FCHSD1: variants seen among roughly 807,000 people sequenced by gnomAD.
FCHSD1 encodes F-BAR and double SH3 domains protein 1.
A neutral mutation model predicts 101.3 loss-of-function variants in FCHSD1; 109 were observed. The ratio of observed to expected loss-of-function variants is 1.08; its 90% confidence interval spans 0.92 to 1.26. FCHSD1 has a LOEUF of 1.26. FCHSD1 is among the 50% of genes most tolerant of loss of function. The pLI, the probability that FCHSD1 is intolerant of heterozygous loss-of-function variation, is 0.00. For synonymous variants in FCHSD1, 291 were observed against 356.8 expected (o/e 0.82, Z 2.08); for missense variants, 820 against 895.8 (o/e 0.92, Z 1.08).
At position 141,640,665 on chromosome 5, in the gene FCHSD1, T is replaced by TC; in HGVS notation, c.*832dup. Reference sequence around the variant, plus strand: ...AGCAACAGTGTTATTCTTCCTCTTCTCCAAGTCTCCTTCATTGTGCTGATG... The same window carrying TC: ...AGCAACAGTGTTATTCTTCCTCTTCTCCCAAGTCTCCTTCATTGTGCTGATG... On this transcript the variant is annotated 3_prime_UTR_variant, in exon 20 of 20. Coordinates refer to ENST00000435817, the MANE Select transcript of FCHSD1 (RefSeq NM_033449.3). 5 of 1,535,980 alleles carry TC rather than the reference T, an allele frequency of 3.3e-6. No individual in the cohort carries two copies. Among genetic ancestry groups the TC allele is most frequent in the Non-Finnish European group, 4.4e-6 (5 of 1,146,472 alleles).
At chr5:141,643,279 T>G (rs2099907201) in intron 17 of FCHSD1, among the ~76,000 whole-genome samples, 191 bp from the exon 18 acceptor site, 1 of 152,198 alleles carries the variant, frequency 6.6e-6, no homozygotes, top group Non-Finnish European at 1.5e-5. Context: ...TTATGTTTAC[T>G]ATGTCTCAAG....
At chr5:141,644,480 C>T in intron 16 of FCHSD1, 42 bp from the exon 17 acceptor site, 4 of 1,608,442 alleles carry the variant, frequency 2.5e-6, no homozygotes, top group African/African-American at 2.7e-5. Context: ...AGGTGGGTAG[C>T]AGTGCCCCAG....
chr5:141,640,718 G>A lies in FCHSD1; in HGVS notation c.*780C>T, dbSNP rs112543254. 2.0e-6 allele frequency: 3 copies of A among 1,524,472 alleles called. No individual in the cohort carries two copies. Among genetic ancestry groups the A allele is most frequent in the Non-Finnish European group, 2.6e-6 (3 of 1,139,586 alleles). 94.4% of individuals were successfully genotyped at this position (1,524,472 alleles called of 1,614,324 possible). ...CTACCAGCTGGCAGGGCCAGGGGGTGGGTGGGCGTGAAAGCCCTCCCCTCC... is the reference window on the plus strand; with the variant it reads ...CTACCAGCTGGCAGGGCCAGGGGGTAGGTGGGCGTGAAAGCCCTCCCCTCC... On this transcript the variant is annotated 3_prime_UTR_variant, in exon 20 of 20. Transcript: ENST00000435817.
chr5:141,651,314 C>A, intron 1 of FCHSD1, 34 bp downstream of exon 1: 1 of 1,552,504 alleles, frequency 6.4e-7, no homozygotes, highest in South Asian at 1.2e-5. Flanking sequence ...GTTCCCCCAG[C>A]CCGCCAGGAG....
At chr5:141,644,525 T>G in intron 16 of FCHSD1, 48 bp downstream of exon 16, 1 of 1,609,652 alleles carries the variant, frequency 6.2e-7, no homozygotes, top group South Asian at 1.1e-5. Flanking sequence ...CCCCTAACAA[T>G]TTTTCTCCAT....
At position 141,650,424 on chromosome 5, in the gene FCHSD1, G is replaced by A. The variant is rs372637256; in HGVS notation, c.120-20C>T. 2 of 1,613,884 alleles carry A rather than the reference G, an allele frequency of 1.2e-6. No individual in the cohort carries two copies. On this transcript the variant is annotated intron_variant, in intron 2 of 19. Coordinates refer to ENST00000435817, the MANE Select transcript of FCHSD1 (RefSeq NM_033449.3). ...TAGGATCTGCGGAGATTGCAGGTCG[G>A]GGGTGAGGTGGGGGATAAGGTTATG...
Position 141,646,836 on chromosome 5 carries a change from A to G in FCHSD1, c.925-114T>C, listed in dbSNP as rs937513581. The G allele has an allele frequency of 1.3e-5, 19 of 1,436,486 alleles. No homozygotes were observed. The African/African-American group carries it at 2.4e-4, about 18-fold the overall frequency. 89.0% of individuals were successfully genotyped at this position (1,436,486 alleles called of 1,614,324 possible). ...AGGACAAGGACAAAGAGAAAGGGGC[A>G]CATGCCTACAGTCATGGACACAGGT... On this transcript the variant is annotated intron_variant, in intron 10 of 19. Transcript: ENST00000435817.
intron 10 of FCHSD1, among the ~76,000 whole-genome samples, 195 bp from the exon 11 acceptor site, chr5:141,646,917 G>A (rs143379809): frequency 4.5e-4 from 69 of 152,330 alleles, no homozygotes; most frequent in African/African-American, 1.6e-3. Flanking sequence ...AAGGGACAGA[G>A]GTAGAATGAA....
rs1596454259 is a variant in FCHSD1 at position 141,639,497 on chromosome 5, C to A, written c.*2001G>T. 1.2e-6 allele frequency: 2 copies of A among 1,613,876 alleles called. No homozygotes were observed. Among genetic ancestry groups the A allele is most frequent in the African/African-American group, 1.3e-5 (1 of 75,026 alleles). ...CCACCTCCAGCCTGCAGGACGGAGC[C>A]CCCTCCCATCATCACACAGTGCACC... On this transcript the variant is annotated 3_prime_UTR_variant, in exon 20 of 20. Transcript: ENST00000435817. This position sits in a 1 kb window ranked among gnomAD's most constrained non-coding sequence, Gnocchi z 4.4.
At position 141,649,794 on chromosome 5, in the gene FCHSD1, C is replaced by T; in HGVS notation, c.233+93G>A. ...CTCTACCTACAGCTCACGTGCCTTC[C>T]CCACTTGCTAGGCCTTCATCCCCAC... On this transcript the variant is annotated intron_variant, in intron 4 of 19. Coordinates refer to ENST00000435817, the MANE Select transcript of FCHSD1 (RefSeq NM_033449.3). The surrounding 1 kb of genome is among the most constrained non-coding windows in gnomAD (Gnocchi z 4.1). 7 of 1,434,600 alleles carry T rather than the reference C, an allele frequency of 4.9e-6. No individual in the cohort carries two copies. The highest frequency in any genetic ancestry group is 6.6e-6 in the Non-Finnish European group (7 of 1,065,946). 88.9% of individuals were successfully genotyped at this position (1,434,600 alleles called of 1,614,324 possible). A position where few individuals can be genotyped will look rare whatever the true frequency, so the allele number is the denominator to read the frequency against.
At chr5:141,646,860 G>A (rs2099907729) in intron 10 of FCHSD1, 138 bp from the exon 11 acceptor site, 1 of 1,316,042 alleles carries the variant, frequency 7.6e-7, no homozygotes, top group African/African-American at 1.5e-5. Context: ...ATGGACACAG[G>A]TAATGTGGAC....
Position 141,645,856 on chromosome 5 carries a change from G to T in FCHSD1, c.1226C>A (p.Pro409Gln). The T allele has an allele frequency of 6.2e-7, 1 of 1,601,646 alleles. No individual in the cohort carries two copies. The highest frequency in any genetic ancestry group is 8.5e-7 in the Non-Finnish European group (1 of 1,174,150). ...AGLDVERWLKPAMTQAQDEVE... is the reference protein window; with the variant it reads ...AGLDVERWLKQAMTQAQDEVE... ...CTCATCCTGGGCCTGGGTCATGGCT[G>T]GCTTCAGCCAGCGCTCCACATCTAA... The change falls in exon 13 of 20, where the codon CCA (proline) becomes CAA (glutamine). Residue 409 changes from proline to glutamine, a missense_variant. Physicochemically the swap from Pro to Gln is moderately conservative, Grantham distance 76. Transcript: ENST00000435817.
In FCHSD1 at chr5:141,640,531, C is replaced by T; in HGVS notation, c.*967G>A. The T allele has an allele frequency of 6.2e-7, 1 of 1,604,636 alleles. No individual in the cohort carries two copies. On this transcript the variant is annotated 3_prime_UTR_variant, in exon 20 of 20. Coordinates refer to ENST00000435817, the MANE Select transcript of FCHSD1 (RefSeq NM_033449.3). ...TTAAGCCTTTCGGCTCCCTGAACCC[C>T]CCGAGTAAACTGCAGGCTTAGCCTT...
At position 141,644,226 on chromosome 5, in the gene FCHSD1, G is replaced by C. The variant is rs781709441; in HGVS notation, c.1855C>G (p.Pro619Ala). The stretch of plus-strand genomic sequence containing the variant: ...GAGAAGGTAAGCCTCACCTGTTCAG[G>C]GTCAGAGAGTTCAGGTGGCCCTGGG... Reference protein sequence around the residue: ...GPPGPPELSDPEQMLPSPSPP... With the variant: ...GPPGPPELSDAEQMLPSPSPP... Residue 619 changes from proline to alanine, a missense_variant, in exon 17 of 20, where the codon CCT becomes GCT. Physicochemically the swap from Pro to Ala is conservative, Grantham distance 27 (BLOSUM62 -1). Transcript: ENST00000435817. 16 of 1,611,178 alleles carry C rather than the reference G, an allele frequency of 9.9e-6. No individual in the cohort carries two copies. The Admixed American group carries it at 2.7e-4, about 27-fold the overall frequency.
chr5:141,651,242 G>T, intron 1 of FCHSD1, 106 bp downstream of exon 1: 1 of 1,528,322 alleles, frequency 6.5e-7, no homozygotes, highest in Non-Finnish European at 8.9e-7. Flanking sequence ...TCTGGTTTGG[G>T]GTCTGACCCC....
chr5:141,640,596 G>A lies in FCHSD1; in HGVS notation c.*902C>T, dbSNP rs1477656432. ...TGGTTTGGTGGTGGAGGTAGGGAAG[G>A]TCCTGGAGCCCCAGGGGAAAAGCTG... On this transcript the variant is annotated 3_prime_UTR_variant, in exon 20 of 20. Transcript: ENST00000435817. The A allele has an allele frequency of 7.8e-6, 12 of 1,544,892 alleles. No homozygotes were observed. In the East Asian group the frequency reaches 2.7e-4, roughly 35 times the overall value.
chr5:141,648,549 C>T (rs971089198), intron 7 of FCHSD1, among the ~76,000 whole-genome samples: 1 of 152,184 alleles, frequency 6.6e-6, no homozygotes, highest in African/African-American at 2.4e-5. Flanking sequence ...TTCAGAGAGG[C>T]CTCCCTCTAA....
Position 141,646,384 on chromosome 5 carries a change from G to A in FCHSD1, c.1045-193C>T, listed in dbSNP as rs576705731. ...GAGAGGTTAAGTCACTCCCTTACCT[G>A]GGGCTACAGAACTAGGAAGCAACAG... On this transcript the variant is annotated intron_variant, in intron 11 of 19. Transcript: ENST00000435817. The A allele has an allele frequency of 4.1e-5, 38 of 935,082 alleles. No individual in the cohort carries two copies. In the South Asian group the frequency reaches 5.9e-4, roughly 14 times the overall value. 57.9% of individuals were successfully genotyped at this position (935,082 alleles called of 1,614,324 possible).
rs183035645 is a variant in FCHSD1, at chr5:141,647,205, A to G, written c.854T>C (p.Leu285Pro). The G allele has an allele frequency of 1.9e-6, 3 of 1,608,500 alleles. No homozygotes were observed. Among genetic ancestry groups the G allele is most frequent in the Non-Finnish European group, 2.5e-6 (3 of 1,177,516 alleles). The change falls in exon 10 of 20, where the codon CTG (leucine) becomes CCG (proline). Residue 285 changes from leucine to proline, a missense_variant. Leu to Pro is a moderately conservative substitution (Grantham distance 98). Coordinates refer to ENST00000435817, the MANE Select transcript of FCHSD1 (RefSeq NM_033449.3). ...AAATACACCAGGCTCCTGAAGAAACAGCTTCAGGTCTTGCTCCCAGCTTAC... is the reference window on the plus strand; with the variant it reads ...AAATACACCAGGCTCCTGAAGAAACGGCTTCAGGTCTTGCTCCCAGCTTAC... ...SQVSWEQDLK[L>P]FLQEPGVFSP...
Sources: allele counts gnomAD v4.1 joint callset (sites outside exome capture counted in the v4.1 genomes callset), GRCh38; gene constraint gnomAD v4.1.1; non-coding constraint Gnocchi (gnomAD v3.1); transcripts MANE v1.5; gene names NCBI Gene and HGNC (gene_info 2026-07-23, HGNC 2026-07-21).